COPB2: variants seen among roughly 807,000 people sequenced by gnomAD.
The protein encoded by COPB2 is coat protein complex I subunit beta 2, also known as coatomer subunit beta'.
COPB2 carries 16 observed loss-of-function variants against 120.8 expected under a neutral mutation model. That is an observed-to-expected ratio of 0.13 (90% CI 0.09 to 0.20). COPB2 has a LOEUF of 0.20. Among genes scored for constraint, COPB2 ranks in the 10% least tolerant of loss-of-function variants. The pLI is 1.00. For synonymous variants in COPB2, 332 were observed against 366.3 expected, an observed-to-expected ratio of 0.91 and a Z score of 1.07; for missense variants, 794 against 1,076.5, an observed-to-expected ratio of 0.74 and a Z score of 3.67.
Position 139,358,231 on chromosome 3 carries a change from A to G in COPB2, c.2594T>C (p.Val865Ala), listed in dbSNP as rs773382226. The change falls in exon 21 of 22, where the codon GTG becomes GCG. Residue 865 changes from valine to alanine, a missense_variant. Coordinates refer to ENST00000333188, the MANE Select transcript of COPB2 (RefSeq NM_004766.3). The stretch of plus-strand genomic sequence containing the variant: ...TTCTTTGTTGGCTGTGTGGGAGGCC[A>G]CAATAACCGGAGTAGGAGAAGCAGG... ...GKPASPTPVI[V>A]ASHTANKEEK... 5 of 1,614,204 alleles carry G rather than the reference A, an allele frequency of 3.1e-6. No individual in the cohort carries two copies. The Admixed American group carries it at 8.3e-5, about 27-fold the overall frequency.
At chr3:139,378,325 A>G in intron 4 of COPB2, 136 bp from the exon 5 acceptor site, 2 of 786,230 alleles carry the variant, frequency 2.5e-6, no homozygotes, top group Non-Finnish European at 3.6e-6. Context: ...AAAACCAAAT[A>G]GAGTTTTCAA....
Position 139,357,958 on chromosome 3 carries a change from T to G in COPB2, c.2626A>C (p.Ser876Arg), listed in dbSNP as rs775648950. ...ASHTANKEEK[S>R]LLELEVDLDN... ...AAATCTACTTCTAGTTCGAGTAAAC[T>G]CTGCAGACAAAAGGAAGAGGGTAAT... Residue 876 changes from serine (S) to arginine (R), a missense_variant and splice_region_variant, in exon 22 of 22, where the codon AGT becomes CGT. By Grantham distance (110) the Ser-to-Arg change is moderately radical (BLOSUM62 -1). Transcript: ENST00000333188. 6.4e-7 allele frequency: 1 copy of G among 1,563,170 alleles called. No individual in the cohort carries two copies. The highest frequency in any genetic ancestry group is 8.8e-7 in the Non-Finnish European group (1 of 1,139,556).
At chr3:139,380,215 T>A (rs886832945) in intron 2 of COPB2, 3 of 152,108 alleles carry the variant, frequency 2.0e-5, no homozygotes, top group African/African-American at 7.2e-5. Flanking sequence ...TTTCACCATG[T>A]TGGCCAGGGT....
chr3:139,370,625 C>A (rs1941607352), intron 10 of COPB2, among the ~76,000 whole-genome samples: 1 of 152,178 alleles, frequency 6.6e-6, no homozygotes, highest in Non-Finnish European at 1.5e-5. Context: ...GCAACAACTG[C>A]TTATATTCAG....
chr3:139,373,732 G>C lies in COPB2; in HGVS notation c.828C>G (p.Cys276Trp). ...TGTTTGACCCTCTTAGACTGGCCAC[G>C]CACCATACCCTCTCCATTCCATAAT... The part of the protein sequence containing the change: ...TLNYGMERVW[C>W]VASLRGSNNV... The change falls in exon 8 of 22, where the codon TGC (cysteine) becomes TGG (tryptophan). Residue 276 changes from cysteine (C) to tryptophan (W), a missense_variant. By Grantham distance (215) the Cys-to-Trp change is radical. Coordinates refer to ENST00000333188, the MANE Select transcript of COPB2 (RefSeq NM_004766.3). 1 of 1,614,034 alleles carries C rather than the reference G, an allele frequency of 6.2e-7. No homozygotes were observed. The highest frequency in any genetic ancestry group is 8.5e-7 in the Non-Finnish European group (1 of 1,179,982).
chr3:139,384,636 C>T (rs1040613498), intron 1 of COPB2, among the ~76,000 whole-genome samples: 2 of 152,234 alleles, frequency 1.3e-5, no homozygotes, highest in African/African-American at 2.4e-5. Context: ...AGTAGAACTG[C>T]TTTATGCATA....
At chr3:139,363,250 C>A (rs988691416) in intron 15 of COPB2, among the ~76,000 whole-genome samples, 3 of 152,170 alleles carry the variant, frequency 2.0e-5, no homozygotes, top group African/African-American at 7.2e-5. Flanking sequence ...CAGTCTGTGG[C>A]CTGTTAGGAA....
chr3:139,377,894 A>T, intron 5 of COPB2, 147 bp downstream of exon 5: 1 of 667,264 alleles, frequency 1.5e-6, no homozygotes, highest in South Asian at 5.8e-5. Flanking sequence ...CGTTTGGATT[A>T]AAATGAGAAA....
At chr3:139,374,143 C>T (rs1302870307) in intron 7 of COPB2, 1 of 407,422 alleles carries the variant, frequency 2.5e-6, no homozygotes, top group Non-Finnish European at 4.4e-6. Context: ...GTTTCCATTT[C>T]ATAATTTGCC....
At chr3:139,358,354 A>G (rs1391944265) in intron 20 of COPB2, 83 bp from the exon 21 acceptor site, 1 of 1,208,122 alleles carries the variant, frequency 8.3e-7, no homozygotes, top group Non-Finnish European at 1.2e-6. Flanking sequence ...AAGGATGATC[A>G]GAATTAGGAA....
chr3:139,373,167 T>C, intron 9 of COPB2, 46 bp downstream of exon 9: 1 of 1,586,630 alleles, frequency 6.3e-7, no homozygotes, highest in Non-Finnish European at 8.7e-7. Context: ...TGCAAACCTG[T>C]TCTAACATAC....
At position 139,358,981 on chromosome 3, in the gene COPB2, A is replaced by G. The variant is rs567044658; in HGVS notation, c.2484+17T>C. 6.2e-7 allele frequency: 1 copy of G among 1,607,660 alleles called. No homozygotes were observed. The highest frequency in any genetic ancestry group is 2.2e-5 in the East Asian group (1 of 44,854). On this transcript the variant is annotated intron_variant, in intron 19 of 21. Transcript: ENST00000333188. Reference sequence around the variant, plus strand: ...CTGTAGTTACAATAAATGAAGCTTGACATCCTGGCCACTCACCGTGACAAG... The same window carrying G: ...CTGTAGTTACAATAAATGAAGCTTGGCATCCTGGCCACTCACCGTGACAAG...
Position 139,377,361 on chromosome 3 carries a change from T to C in COPB2, c.504+680A>G, listed in dbSNP as rs139224814. On this transcript the variant is annotated intron_variant, in intron 5 of 21. Transcript: ENST00000333188. ...CAAGAGGTTCTCAAGAGTAAATATT[T>C]GTGCTAAACCTTAAAAGCTGAGTAA... Among the ~76,000 whole-genome samples the C allele has an allele frequency of 1.7e-3, 253 of 152,344 alleles. 6 individuals are homozygous for C. Among genetic ancestry groups the C allele is most frequent in the East Asian group, 5.0e-3 (26 of 5,182 alleles).
chr3:139,377,799 T>A (rs912074608), intron 5 of COPB2, among the ~76,000 whole-genome samples: 1 of 152,232 alleles, frequency 6.6e-6, no homozygotes, highest in Non-Finnish European at 1.5e-5. Context: ...GCTAAAAAAT[T>A]TTTATAACAT....
intron 10 of COPB2, among the ~76,000 whole-genome samples, chr3:139,370,351 G>T (rs778296166): frequency 6.6e-6 from 1 of 152,146 alleles, no homozygotes; most frequent in Non-Finnish European, 1.5e-5. Context: ...TCACGTCCCA[G>T]GTAGGATGGC....
chr3:139,366,484 G>C, intron 15 of COPB2, 84 bp downstream of exon 15: 1 of 1,276,418 alleles, frequency 7.8e-7, no homozygotes, highest in Non-Finnish European at 1.1e-6. Context: ...TGGCAATTAA[G>C]AAATAAAGTT....
chr3:139,375,035 T>C (rs1941689852), intron 6 of COPB2, among the ~76,000 whole-genome samples: 1 of 152,192 alleles, frequency 6.6e-6, no homozygotes, highest in Non-Finnish European at 1.5e-5. Context: ...ATGGGAACTT[T>C]TGATGTGGAA....
At chr3:139,367,371 T>G (rs1262740680) in intron 13 of COPB2, among the ~76,000 whole-genome samples, 1 of 151,820 alleles carries the variant, frequency 6.6e-6, no homozygotes, top group Non-Finnish European at 1.5e-5. Context: ...ACTGCCAACT[T>G]CTACCTCCCG....
At chr3:139,389,263 C>T (rs765225345) in intron 1 of COPB2, among the ~76,000 whole-genome samples, 1 of 152,270 alleles carries the variant, frequency 6.6e-6, no homozygotes, top group Non-Finnish European at 1.5e-5. Flanking sequence ...TGTTTCCCTA[C>T]ACCACCGATC....
Sources: gnomAD v4.1 joint callset for allele counts (sites outside exome capture counted in the v4.1 genomes callset) on GRCh38, gnomAD v4.1.1 for gene constraint, MANE v1.5 for transcripts, NCBI Gene and HGNC (gene_info 2026-07-23, HGNC 2026-07-21) for gene names.